DCC: variants seen among roughly 807,000 people sequenced by gnomAD.
DCC encodes the protein netrin receptor DCC.
DCC carries 58 observed loss-of-function variants against 172.5 expected under a neutral mutation model. The observed-to-expected ratio is 0.34, with a 90% CI of 0.27 to 0.42. DCC has a LOEUF of 0.42. DCC is among the 10% of genes least tolerant of loss of function. The probability of loss-of-function intolerance (pLI) is 1.00; values close to 1 mark genes in which losing one functional copy is unlikely to be tolerated. For synonymous variants in DCC, 709 were observed against 644.5 expected, an observed-to-expected ratio of 1.10 and a Z score of -1.52; for missense variants, 1,740 against 1,791.0, an observed-to-expected ratio of 0.97 and a Z score of 0.51.
intron 1 of DCC, among the ~76,000 whole-genome samples, chr18:52,638,028 A>G (rs1452263510): frequency 6.6e-6 from 1 of 152,220 alleles, no homozygotes; most frequent in Non-Finnish European, 1.5e-5. Context: ...TCCTCAAACA[A>G]AACAATTATC....
chr18:52,670,103 C>T (rs758006402), intron 1 of DCC, among the ~76,000 whole-genome samples: 5 of 152,200 alleles, frequency 3.3e-5, no homozygotes, highest in Non-Finnish European at 5.9e-5. Context: ...AGTCAGCATT[C>T]TTGGACAAAA....
chr18:53,163,316 G>A (rs1216880468), intron 8 of DCC, among the ~76,000 whole-genome samples: 1 of 152,104 alleles, frequency 6.6e-6, no homozygotes, highest in East Asian at 1.9e-4. Flanking sequence ...TGAATAAGCT[G>A]ACTACAGTTC....
At chr18:52,786,861 G>A (rs2037670265) in intron 2 of DCC, among the ~76,000 whole-genome samples, 1 of 152,164 alleles carries the variant, frequency 6.6e-6, no homozygotes, top group African/African-American at 2.4e-5. Flanking sequence ...CTCCTTAAAG[G>A]GAAGCATATA....
At chr18:53,118,224 A>G (rs2043434793) in intron 7 of DCC, among the ~76,000 whole-genome samples, 1 of 151,818 alleles carries the variant, frequency 6.6e-6, no homozygotes, top group African/African-American at 2.4e-5. Flanking sequence ...ACTTTTTTCT[A>G]AACCAGCTCT....
At chr18:53,165,989 C>CT (rs1315975136) in intron 8 of DCC, among the ~76,000 whole-genome samples, 1 of 152,164 alleles carries the variant, frequency 6.6e-6, no homozygotes, top group African/African-American at 2.4e-5. Context: ...GAGCAGAGGT[C>CT]AGCCAGGTGG....
chr18:53,264,539 T>C lies in DCC; in HGVS notation c.1912-41039T>C, dbSNP rs144986376. On this transcript the variant is annotated intron_variant, in intron 12 of 28. Coordinates refer to ENST00000442544, the MANE Select transcript of DCC (RefSeq NM_005215.4). ...AAACACAGTGGTACCTCCTAGGCAA[T>C]CCCCATGCAATGCTCTTGGCTTAGA... 4.8e-5 allele frequency among the ~76,000 whole-genome samples: 7 copies of C among 146,048 alleles called. No individual in the cohort carries two copies. In the South Asian group the frequency reaches 9.0e-4, roughly 19 times the overall value.
rs549602843 is a variant in DCC at position 53,108,708 on chromosome 18, C to A, written c.1261+42542C>A. 5.3e-5 allele frequency among the ~76,000 whole-genome samples: 8 copies of A among 151,754 alleles called. No individual in the cohort carries two copies. The South Asian group carries it at 1.7e-3, about 32-fold the overall frequency. On this transcript the variant is annotated intron_variant, in intron 7 of 28. Coordinates refer to ENST00000442544, the MANE Select transcript of DCC (RefSeq NM_005215.4). ...ACCATGTATATTATTTTGTGTCTAG[C>A]CTTTTTTTCTGGGCATTCTTTTGGG...
intron 2 of DCC, among the ~76,000 whole-genome samples, chr18:52,837,724 TC>T (rs2038731747): frequency 6.6e-6 from 1 of 152,168 alleles, no homozygotes; most frequent in Admixed American, 6.6e-5. Context: ...TAACGTTACT[TC>T]CACATTTTCA....
rs544971100 is a variant in DCC, at chr18:52,733,989, C to T, written c.92-18065C>T. Among the ~76,000 whole-genome samples, 6 of 152,092 alleles carry T rather than the reference C, an allele frequency of 3.9e-5. No individual in the cohort carries two copies. The East Asian group carries it at 9.7e-4, about 24-fold the overall frequency. Reference sequence around the variant, plus strand: ...AATTAATTCTGTTTCTAGTGCTTGACAATATTTATCACTACCAGATAAAAA... The same window carrying T: ...AATTAATTCTGTTTCTAGTGCTTGATAATATTTATCACTACCAGATAAAAA... On this transcript the variant is annotated intron_variant, in intron 1 of 28. Transcript: ENST00000442544.
intron 7 of DCC, among the ~76,000 whole-genome samples, chr18:53,147,872 T>C (rs1365276147): frequency 1.3e-5 from 2 of 152,178 alleles, no homozygotes; most frequent in Non-Finnish European, 2.9e-5. Context: ...AGCCATCAAG[T>C]ATGATTGGAG....
chr18:52,549,086 T>G (rs2032694127), intron 1 of DCC, among the ~76,000 whole-genome samples: 1 of 152,132 alleles, frequency 6.6e-6, no homozygotes, highest in South Asian at 2.1e-4. Context: ...TTTTCTGATA[T>G]GGGACTCTGA....
At chr18:53,049,232 G>A (rs946524856) in intron 5 of DCC, among the ~76,000 whole-genome samples, 1 of 151,750 alleles carries the variant, frequency 6.6e-6, no homozygotes, top group Non-Finnish European at 1.5e-5. Flanking sequence ...ATTGTTTTTG[G>A]CTTCTTCATC....
intron 7 of DCC, among the ~76,000 whole-genome samples, chr18:53,132,037 G>T (rs543064833): frequency 3.0e-5 from 3 of 100,670 alleles, no homozygotes; most frequent in East Asian, 7.1e-4. Context: ...GTTCATTATT[G>T]TTTAGCAGAT....
intron 5 of DCC, among the ~76,000 whole-genome samples, chr18:53,053,911 T>A (rs1308119753): frequency 1.3e-5 from 2 of 152,146 alleles, no homozygotes; most frequent in African/African-American, 2.4e-5. Flanking sequence ...TGTATGGATA[T>A]ATATTTGTGT....
At chr18:53,192,427 A>C (rs2055379688) in intron 9 of DCC, among the ~76,000 whole-genome samples, 1 of 152,176 alleles carries the variant, frequency 6.6e-6, no homozygotes, top group Non-Finnish European at 1.5e-5. Flanking sequence ...ACTGTAGCAC[A>C]GTCTGGTCTG....
chr18:52,649,298 G>A (rs1006182213), intron 1 of DCC, among the ~76,000 whole-genome samples: 6 of 150,220 alleles, frequency 4.0e-5, no homozygotes, highest in East Asian at 2.0e-4. Context: ...GCGTGAACCC[G>A]GGAGGCGGAG....
chr18:53,085,435 T>G (rs771470409), intron 7 of DCC, among the ~76,000 whole-genome samples: 1 of 152,144 alleles, frequency 6.6e-6, no homozygotes, highest in African/African-American at 2.4e-5. Context: ...CTCATTATTC[T>G]TTATGTGTAA....
chr18:53,215,260 G>A (rs932319275), intron 11 of DCC, among the ~76,000 whole-genome samples: 1 of 152,030 alleles, frequency 6.6e-6, no homozygotes, highest in Non-Finnish European at 1.5e-5. Flanking sequence ...CAAGAGGGCT[G>A]TAATTAAATG....
At chr18:53,157,053 C>A (rs1267554941) in intron 7 of DCC, among the ~76,000 whole-genome samples, 1 of 152,196 alleles carries the variant, frequency 6.6e-6, no homozygotes, top group East Asian at 1.9e-4. Flanking sequence ...CCAAATTTCT[C>A]TCCCCTTTTC....
Sources: gnomAD v4.1 joint callset for allele counts (sites outside exome capture counted in the v4.1 genomes callset) on GRCh38, gnomAD v4.1.1 for gene constraint, MANE v1.5 for transcripts, NCBI Gene and HGNC (gene_info 2026-07-23, HGNC 2026-07-21) for gene names.